DAB1: variants seen among roughly 807,000 people sequenced by gnomAD.
DAB1 encodes the protein DAB adaptor protein 1.
A neutral mutation model predicts 64.6 loss-of-function variants in DAB1; 15 were observed. The ratio of observed to expected loss-of-function variants is 0.23; its 90% CI spans 0.16 to 0.36. The LOEUF (loss-of-function observed/expected upper bound fraction) is 0.36, where lower values mean the gene tolerates loss of function less well. Among genes scored for constraint, DAB1 ranks in the 10% least tolerant of loss-of-function variants. The pLI, the probability that DAB1 is intolerant of heterozygous loss-of-function variation, is 1.00. For missense variants in DAB1, 596 were observed against 706.7 expected, an observed-to-expected ratio of 0.84 and a Z score of 1.78; for synonymous variants, 235 against 251.9, an observed-to-expected ratio of 0.93 and a Z score of 0.64.
intron 4 of DAB1, among the ~76,000 whole-genome samples, chr1:58,187,513 A>C (rs1242255047): frequency 6.6e-6 from 1 of 150,698 alleles, no homozygotes; most frequent in Non-Finnish European, 1.5e-5. Context: ...ACCCAGGAAA[A>C]TTCTGCTAAA....
chr1:58,343,119 C>T (rs1342051198), intron 4 of DAB1, among the ~76,000 whole-genome samples: 1 of 152,124 alleles, frequency 6.6e-6, no homozygotes, highest in Admixed American at 6.6e-5. Context: ...CTCCCTTTTC[C>T]ACAGGTCTGC....
intron 3 of DAB1, among the ~76,000 whole-genome samples, chr1:58,480,331 A>C (rs1645461116): frequency 6.6e-6 from 1 of 152,122 alleles, no homozygotes; most frequent in Non-Finnish European, 1.5e-5. Context: ...TTAAGATTTC[A>C]GTGCACCAGG....
In DAB1 at chr1:57,943,388, G is replaced by A. The variant is rs1458122055; in HGVS notation, n.388-59226C>T. Among the ~76,000 whole-genome samples, 5 of 152,302 alleles carry A rather than the reference G, an allele frequency of 3.3e-5. 1 individual carries two copies. The East Asian group carries it at 9.7e-4, about 29-fold the overall frequency. On this transcript the variant is annotated intron_variant and non_coding_transcript_variant, in intron 5 of 20. Coordinates refer to the DAB1 transcript ENST00000485760. Reference sequence around the variant, plus strand: ...CTGAACCACTTTGTAGTAAGCTCATGTGTGTTACATGGCAAAGGGTTCCTG... The same window carrying A: ...CTGAACCACTTTGTAGTAAGCTCATATGTGTTACATGGCAAAGGGTTCCTG...
At chr1:57,816,680 G>A (rs781205981) in intron 6 of DAB1, among the ~76,000 whole-genome samples, 93 of 152,230 alleles carry the variant, frequency 6.1e-4, no homozygotes, top group Non-Finnish European at 1.1e-3. Flanking sequence ...GTGAGTTGCC[G>A]TCATAAAATT....
chr1:57,488,997 G>C (rs1396446407), intron 7 of DAB1, among the ~76,000 whole-genome samples: 2 of 152,114 alleles, frequency 1.3e-5, no homozygotes, highest in African/African-American at 2.4e-5. Flanking sequence ...GTAAAAACAA[G>C]GGCACATCGA....
At chr1:57,907,625 T>C (rs565425501) in intron 5 of DAB1, among the ~76,000 whole-genome samples, 1 of 152,230 alleles carries the variant, frequency 6.6e-6, no homozygotes, top group East Asian at 1.9e-4. Flanking sequence ...AATCTGAAGC[T>C]AAGAGAAGTT....
chr1:57,377,659 G>A (rs1681018030), intron 1 of DAB1, among the ~76,000 whole-genome samples: 1 of 152,176 alleles, frequency 6.6e-6, no homozygotes, highest in African/African-American at 2.4e-5. Context: ...CAAAATGTAA[G>A]GCATTATAAT....
chr1:58,099,134 C>T (rs1179054481), intron 5 of DAB1, among the ~76,000 whole-genome samples: 1 of 152,168 alleles, frequency 6.6e-6, no homozygotes, highest in African/African-American at 2.4e-5. Context: ...TCTCCTTTTC[C>T]ATCCATGAGC....
intron 10 of DAB1, among the ~76,000 whole-genome samples, chr1:57,024,519 A>G (rs1646723870): frequency 6.6e-6 from 1 of 152,188 alleles, no homozygotes; most frequent in Non-Finnish European, 1.5e-5. Flanking sequence ...GCAATTAGAC[A>G]AGGCCATTTT....
intron 3 of DAB1, chr1:58,468,880 CCA>C: frequency 4.5e-6 from 1 of 220,940 alleles, no homozygotes; most frequent in South Asian, 1.6e-4. Flanking sequence ...GTCATGCATG[CCA>C]CAGAGGACTC....
intron 5 of DAB1, among the ~76,000 whole-genome samples, chr1:58,102,423 T>A (rs1651378477): frequency 6.6e-6 from 1 of 152,196 alleles, no homozygotes; most frequent in Non-Finnish European, 1.5e-5. Context: ...GTTGCTGGAA[T>A]GGAGACACCA....
At chr1:57,062,678 T>C (rs929734542) in intron 9 of DAB1, among the ~76,000 whole-genome samples, 4 of 152,184 alleles carry the variant, frequency 2.6e-5, no homozygotes, top group African/African-American at 4.8e-5. Flanking sequence ...TTCATCCAGA[T>C]TGGCAACTTT....
chr1:57,500,914 T>C (rs1221507265), intron 7 of DAB1, among the ~76,000 whole-genome samples: 2 of 152,286 alleles, frequency 1.3e-5, no homozygotes, highest in East Asian at 3.9e-4. Flanking sequence ...GCAAATCAAA[T>C]TCTAGGGTTA....
chr1:57,136,800 T>C lies in DAB1; in HGVS notation c.208-159A>G, dbSNP rs1000076149. Among the ~76,000 whole-genome samples, 6 of 152,122 alleles carry C rather than the reference T, an allele frequency of 3.9e-5. No individual in the cohort carries two copies. In the East Asian group the frequency reaches 9.6e-4, roughly 24 times the overall value. On this transcript the variant is annotated intron_variant, in intron 3 of 14. Transcript: ENST00000371236. ...TTCTCTACTCAATGCGGCTCACATC[T>C]CCTTGGTGTTTTAGGGTAATGCTTG...
intron 9 of DAB1, among the ~76,000 whole-genome samples, chr1:57,035,720 T>C (rs994415989): frequency 3.9e-5 from 6 of 152,024 alleles, no homozygotes; most frequent in African/African-American, 1.5e-4. Flanking sequence ...AGCAGTTTAA[T>C]TGAGATGTGT....
chr1:57,528,716 A>T (rs577455803), intron 7 of DAB1, among the ~76,000 whole-genome samples: 1 of 152,106 alleles, frequency 6.6e-6, no homozygotes, highest in Admixed American at 6.6e-5. Context: ...TAAGATAAAC[A>T]GAAGACTTCT....
At chr1:57,557,591 G>A (rs1023607127) in intron 7 of DAB1, among the ~76,000 whole-genome samples, 4 of 151,990 alleles carry the variant, frequency 2.6e-5, no homozygotes, top group Non-Finnish European at 5.9e-5. Context: ...ATTGGTTTTG[G>A]GGTTTCTGGA....
chr1:58,481,224 A>T (rs1341204175), intron 3 of DAB1: 4 of 600,798 alleles, frequency 6.7e-6, no homozygotes, highest in African/African-American at 1.9e-5. Flanking sequence ...ACATCAATGT[A>T]TTCAGATTGT....
chr1:57,023,435 G>T, intron 11 of DAB1, 96 bp downstream of exon 11: 2 of 725,094 alleles, frequency 2.8e-6, no homozygotes, highest in Non-Finnish European at 4.9e-6. Flanking sequence ...GAGAACAGCA[G>T]TGTTTTATCA....
Sources: allele counts gnomAD v4.1 joint callset (sites outside exome capture counted in the v4.1 genomes callset), GRCh38; gene constraint gnomAD v4.1.1; transcripts MANE v1.5; gene names NCBI Gene and HGNC (gene_info 2026-07-23, HGNC 2026-07-21).